Variants in PKNOX2 observed in about 807,000 individuals in gnomAD.
PKNOX2 encodes the protein homeobox protein PKNOX2.
PKNOX2 carries 14 observed loss-of-function variants against 53.1 expected under a neutral mutation model. That is an observed-to-expected ratio of 0.26 (90% CI 0.17 to 0.41). The LOEUF is 0.41. Among genes scored for constraint, PKNOX2 ranks in the 10% least tolerant of loss-of-function variants. The pLI is 1.00. For synonymous variants in PKNOX2, 257 were observed against 242.8 expected (o/e 1.06, Z -0.54); for missense variants, 496 against 602.8 (o/e 0.82, Z 1.85).
rs75735141 is a variant in PKNOX2, at chr11:125,330,321, C to T, written c.-129-1498C>T. On this transcript the variant is annotated intron_variant, in intron 2 of 12. Transcript: ENST00000298282. ...GGGAGTCGGTCACAGAGTTCACAGA[C>T]GAGGTCACATGGAGGAGAAGCCTGG... The T allele has an allele frequency of 3.6e-3, 548 of 152,406 alleles. 11 individuals are homozygous for T. The East Asian group carries it at 0.056, about 16-fold the overall frequency. 9.4% of individuals were successfully genotyped at this position (152,406 alleles called of 1,614,324 possible).
chr11:125,259,762 T>G (rs1944690483), intron 2 of PKNOX2, among the ~76,000 whole-genome samples: 1 of 152,182 alleles, frequency 6.6e-6, no homozygotes, highest in South Asian at 2.1e-4. Flanking sequence ...CTGCTATGGC[T>G]TCACACATTG....
intron 10 of PKNOX2, among the ~76,000 whole-genome samples, chr11:125,415,003 C>T (rs552128156): frequency 3.9e-5 from 6 of 152,212 alleles, no homozygotes; most frequent in East Asian, 1.9e-4. Flanking sequence ...GTAAGAGTAA[C>T]GGACAGTACT....
chr11:125,295,349 G>T (rs1051480337), intron 2 of PKNOX2, among the ~76,000 whole-genome samples: 2 of 152,212 alleles, frequency 1.3e-5, no homozygotes, highest in Admixed American at 6.5e-5. Context: ...TGGGAGAGTG[G>T]TCAGCTCTAG....
chr11:125,408,470 C>T lies in PKNOX2; in HGVS notation c.589-1726C>T, dbSNP rs184045833. On this transcript the variant is annotated intron_variant, in intron 7 of 12. Coordinates refer to ENST00000298282, the MANE Select transcript of PKNOX2 (RefSeq NM_001382323.2). The stretch of plus-strand genomic sequence containing the variant: ...CAAGGCCTCCATCGCCCCACCCACC[C>T]GGAGGAGCCACACCAGGAGGCCCGT... Among the ~76,000 whole-genome samples the T allele has an allele frequency of 1.4e-4, 21 of 152,292 alleles. No individual in the cohort carries two copies. In the East Asian group the frequency reaches 1.7e-3, roughly 13 times the overall value.
intron 3 of PKNOX2, among the ~76,000 whole-genome samples, chr11:125,341,617 G>T (rs960985219): frequency 6.6e-6 from 1 of 152,168 alleles, no homozygotes; most frequent in Non-Finnish European, 1.5e-5. Context: ...GATTATTCCC[G>T]CCTTGATTTC....
intron 1 of PKNOX2, among the ~76,000 whole-genome samples, chr11:125,204,969 G>A (rs1227206634): frequency 6.6e-6 from 1 of 152,216 alleles, no homozygotes. Context: ...ATCTTTCCTT[G>A]TATCCCCATG....
intron 1 of PKNOX2, among the ~76,000 whole-genome samples, chr11:125,205,687 C>T (rs993694308): frequency 6.6e-6 from 1 of 151,898 alleles, no homozygotes; most frequent in Non-Finnish European, 1.5e-5. Flanking sequence ...CACGCCTTGC[C>T]CTAAACATAT....
At chr11:125,203,129 C>T (rs1052709231) in intron 1 of PKNOX2, among the ~76,000 whole-genome samples, 1 of 152,192 alleles carries the variant, frequency 6.6e-6, no homozygotes, top group Non-Finnish European at 1.5e-5. Flanking sequence ...AGGACCTCAC[C>T]TCTGGCCTCT....
chr11:125,168,720 A>G (rs562667264), intron 1 of PKNOX2, among the ~76,000 whole-genome samples: 7 of 152,352 alleles, frequency 4.6e-5, no homozygotes, highest in African/African-American at 1.7e-4. Flanking sequence ...AAACCAAACC[A>G]ATTGACCTGA....
chr11:125,252,607 G>T (rs1591497323), intron 2 of PKNOX2, among the ~76,000 whole-genome samples: 2 of 152,226 alleles, frequency 1.3e-5, no homozygotes, highest in East Asian at 3.9e-4. Context: ...CACCAAGGAT[G>T]GGCTCTAGGT....
At chr11:125,344,323 C>T (rs1950858437) in intron 3 of PKNOX2, among the ~76,000 whole-genome samples, 2 of 152,106 alleles carry the variant, frequency 1.3e-5, no homozygotes, top group African/African-American at 2.4e-5. Flanking sequence ...TTTAGGCCCT[C>T]GGAAGTAGGG....
chr11:125,346,642 C>T (rs73618156), intron 3 of PKNOX2, among the ~76,000 whole-genome samples: 2,902 of 152,270 alleles, frequency 0.019, 79 homozygotes, highest in African/African-American at 0.064. Flanking sequence ...CAGCCCCTAC[C>T]TGTCTCAAGG....
chr11:125,431,584 C>G lies in PKNOX2; in HGVS notation c.*192C>G. The G allele has an allele frequency of 1.5e-6, 1 of 645,946 alleles. No homozygotes were observed. The highest frequency in any genetic ancestry group is 3.0e-5 in the Admixed American group (1 of 33,428). 40.0% of individuals were successfully genotyped at this position (645,946 alleles called of 1,614,324 possible). On this transcript the variant is annotated 3_prime_UTR_variant, in exon 13 of 13. Coordinates refer to ENST00000298282, the MANE Select transcript of PKNOX2 (RefSeq NM_001382323.2). ...CAACCACCGAGCTTCAATGAGGACC[C>G]CAGCCCCACTTCCCTGGAACTGCCG...
intron 1 of PKNOX2, among the ~76,000 whole-genome samples, chr11:125,220,331 C>T (rs4936997): frequency 0.13 from 19,175 of 152,158 alleles, 1,417 homozygotes; most frequent in Middle Eastern, 0.17. Context: ...TGTGCAAATC[C>T]CACAAAATAT....
At chr11:125,178,964 G>A (rs1342531866) in intron 1 of PKNOX2, among the ~76,000 whole-genome samples, 1 of 152,086 alleles carries the variant, frequency 6.6e-6, no homozygotes, top group African/African-American at 2.4e-5. Flanking sequence ...CGTGTAAAGT[G>A]CACGGTGTGG....
chr11:125,402,051 C>G (rs1337579100), intron 7 of PKNOX2, among the ~76,000 whole-genome samples: 1 of 152,186 alleles, frequency 6.6e-6, no homozygotes, highest in Non-Finnish European at 1.5e-5. Flanking sequence ...CTCCCAGATG[C>G]TATGCCGTGT....
At chr11:125,189,395 ATATG>A in intron 1 of PKNOX2, among the ~76,000 whole-genome samples, 1 of 121,324 alleles carries the variant, frequency 8.2e-6, no homozygotes, top group Non-Finnish European at 1.7e-5. Context: ...GTGTATATAT[ATATG>A]TGTGTATATA....
At chr11:125,350,481 A>G (rs1951236712) in intron 3 of PKNOX2, among the ~76,000 whole-genome samples, 1 of 152,162 alleles carries the variant, frequency 6.6e-6, no homozygotes, top group South Asian at 2.1e-4. Flanking sequence ...TACCAGCCAA[A>G]GAGGCAGGTA....
intron 5 of PKNOX2, among the ~76,000 whole-genome samples, chr11:125,380,754 G>A (rs1366248190): frequency 3.3e-5 from 5 of 152,154 alleles, no homozygotes; most frequent in Admixed American, 3.3e-4. Context: ...GCTCACACAG[G>A]GCCATTTGTA....
Sources: gnomAD v4.1 joint callset for allele counts (sites outside exome capture counted in the v4.1 genomes callset) on GRCh38, gnomAD v4.1.1 for gene constraint, MANE v1.5 for transcripts, NCBI Gene and HGNC (gene_info 2026-07-23, HGNC 2026-07-21) for gene names.